Variants in SLC22A3 observed in about 807,000 individuals in gnomAD.
SLC22A3 encodes the protein solute carrier family 22 member 3, also known as EMT organic cation transporter 3.
In SLC22A3, 51 loss-of-function variants were observed where a neutral mutation model predicts 59.1. The ratio of observed to expected loss-of-function variants is 0.86; its 90% CI spans 0.69 to 1.09. The LOEUF is 1.09. SLC22A3 is among the 50% of genes least tolerant of loss of function. SLC22A3 has a pLI of 0.00. For synonymous variants in SLC22A3, 325 were observed against 292.0 expected (o/e 1.11, Z -1.15); for missense variants, 711 against 726.3 (o/e 0.98, Z 0.24).
intron 5 of SLC22A3, among the ~76,000 whole-genome samples, chr6:160,427,424 G>A (rs1202303873): frequency 2.0e-5 from 3 of 152,130 alleles, no homozygotes; most frequent in African/African-American, 7.2e-5. Context: ...CCTGGACAGT[G>A]GGGGAAGGGC....
rs766754055 is a variant in SLC22A3 at position 160,436,861 on chromosome 6, A to G, written c.1057A>G (p.Ile353Val). 3.1e-6 allele frequency: 5 copies of G among 1,613,716 alleles called. No individual in the cohort carries two copies. In the African/African-American group the frequency reaches 4.0e-5, roughly 13 times the overall value. Residue 353 changes from isoleucine (I) to valine (V), a missense_variant, in exon 6 of 11, where the codon ATT (isoleucine) becomes GTT (valine). Ile to Val is a conservative substitution (Grantham distance 29, BLOSUM62 3). Coordinates refer to ENST00000275300, the MANE Select transcript of SLC22A3 (RefSeq NM_021977.4). ...TCCCCAAATGAGGAAATGCACACTTATTCTTATGTTTGCTTGGTAAGTTTG... is the reference window on the plus strand; with the variant it reads ...TCCCCAAATGAGGAAATGCACACTTGTTCTTATGTTTGCTTGGTAAGTTTG... Reference protein sequence around the residue: ...RTPQMRKCTLILMFAWFTSAV... With the variant: ...RTPQMRKCTLVLMFAWFTSAV...
chr6:160,428,856 T>C (rs1192926252), intron 5 of SLC22A3, among the ~76,000 whole-genome samples: 1 of 152,238 alleles, frequency 6.6e-6, no homozygotes, highest in East Asian at 1.9e-4. Context: ...AAGGAGGTTT[T>C]CAAAAATTGC....
intron 2 of SLC22A3, among the ~76,000 whole-genome samples, chr6:160,399,014 A>T (rs1005744520): frequency 6.6e-6 from 1 of 152,258 alleles, no homozygotes; most frequent in Non-Finnish European, 1.5e-5. Flanking sequence ...ATTAGCTAAT[A>T]GAACAACAAA....
intron 1 of SLC22A3, among the ~76,000 whole-genome samples, chr6:160,371,699 G>A (rs1378123713): frequency 6.6e-6 from 1 of 152,218 alleles, no homozygotes; most frequent in African/African-American, 2.4e-5. Context: ...TATGTACCCA[G>A]TAGTGAGATT....
chr6:160,426,461 C>T (rs1448336559), intron 5 of SLC22A3: 5 of 608,288 alleles, frequency 8.2e-6, no homozygotes, highest in African/African-American at 8.0e-5. Context: ...TCCTCTATTC[C>T]CACTCTTCCC....
chr6:160,368,161 C>T (rs1396095172), intron 1 of SLC22A3, among the ~76,000 whole-genome samples: 3 of 152,124 alleles, frequency 2.0e-5, no homozygotes, highest in Non-Finnish European at 2.9e-5. Flanking sequence ...TACCCTCTCC[C>T]CCTACTCTTA....
rs1788988549 is a variant in SLC22A3 at position 160,452,052 on chromosome 6, CA to C, written c.*997del. 6.6e-6 allele frequency: 1 copy of C among 152,152 alleles called. No homozygotes were observed. The highest frequency in any genetic ancestry group is 6.5e-5 in the Admixed American group (1 of 15,268). The allele number at this position is 152,152 out of a possible 1,614,324, so 9.4% of individuals were successfully genotyped here. On this transcript the variant is annotated 3_prime_UTR_variant, in exon 11 of 11. Transcript: ENST00000275300. ...ATTTAAAAGAAAGATCAATTATATC[CA>C]TGCTTAACAGGATCAGCAGGAGCTT...
chr6:160,399,088 T>C (rs1786645439), intron 2 of SLC22A3, among the ~76,000 whole-genome samples: 1 of 152,216 alleles, frequency 6.6e-6, no homozygotes, highest in Non-Finnish European at 1.5e-5. Context: ...TCAAAATGGG[T>C]AGAGCCTTGG....
intron 1 of SLC22A3, among the ~76,000 whole-genome samples, chr6:160,373,122 T>A (rs1785459993): frequency 6.6e-6 from 1 of 152,232 alleles, no homozygotes; most frequent in South Asian, 2.1e-4. Context: ...TGCCCTGGTT[T>A]TTCCTCATCT....
At chr6:160,418,485 G>A (rs534135601) in intron 5 of SLC22A3, among the ~76,000 whole-genome samples, 14 of 152,272 alleles carry the variant, frequency 9.2e-5, no homozygotes, top group African/African-American at 1.7e-4. Flanking sequence ...CCTTGTGGCC[G>A]TGTGAGCCAA....
chr6:160,443,523 A>G, intron 8 of SLC22A3, 107 bp from the exon 9 acceptor site: 1 of 768,272 alleles, frequency 1.3e-6, no homozygotes, highest in East Asian at 2.7e-5. Flanking sequence ...AGAAAATGCA[A>G]AGTATCTTCA....
chr6:160,400,616 A>G (rs1262849317), intron 2 of SLC22A3, among the ~76,000 whole-genome samples: 2 of 151,304 alleles, frequency 1.3e-5, no homozygotes, highest in African/African-American at 4.9e-5. Context: ...CACCATGTCC[A>G]CCTATCAAGA....
chr6:160,428,950 G>A (rs1298176296), intron 5 of SLC22A3, among the ~76,000 whole-genome samples: 2 of 152,188 alleles, frequency 1.3e-5, no homozygotes, highest in Admixed American at 6.5e-5. Context: ...CTACAGCTCT[G>A]TAATGTGACA....
At chr6:160,370,746 T>G (rs1785370365) in intron 1 of SLC22A3, among the ~76,000 whole-genome samples, 1 of 152,222 alleles carries the variant, frequency 6.6e-6, no homozygotes, top group African/African-American at 2.4e-5. Context: ...AGTTCATATT[T>G]TGCATGAATC....
rs1456556834 is a variant in SLC22A3, at chr6:160,451,077, A to G, written c.*21A>G. ...TTTGAGGCCCCCGACAAAGACAGAAAGAAGGAGCTATCCAGGAGCTGATCC... is the reference window on the plus strand; with the variant it reads ...TTTGAGGCCCCCGACAAAGACAGAAGGAAGGAGCTATCCAGGAGCTGATCC... On this transcript the variant is annotated 3_prime_UTR_variant, in exon 11 of 11. Transcript: ENST00000275300. 13 of 1,580,702 alleles carry G rather than the reference A, an allele frequency of 8.2e-6. No individual in the cohort carries two copies. The highest frequency in any genetic ancestry group is 2.3e-5 in the East Asian group (1 of 43,172).
At chr6:160,434,217 T>C (rs1283730653) in intron 5 of SLC22A3, among the ~76,000 whole-genome samples, 1 of 152,264 alleles carries the variant, frequency 6.6e-6, no homozygotes, top group Non-Finnish European at 1.5e-5. Flanking sequence ...CTAAATTATC[T>C]AGTCAAATTT....
chr6:160,437,216 T>C lies in SLC22A3; in HGVS notation c.1288+5T>C. 6.2e-7 allele frequency: 1 copy of C among 1,613,900 alleles called. No homozygotes were observed. The highest frequency in any genetic ancestry group is 8.5e-7 in the Non-Finnish European group (1 of 1,179,842). ...TCACTGCGTTCTTACCAGAAGGTAA[T>C]CTTACCCCACATCTGTTTGGCAGCC... is the stretch of plus-strand genomic sequence containing the variant. On this transcript the variant is annotated splice_donor_5th_base_variant and intron_variant, in intron 7 of 10. Coordinates refer to ENST00000275300, the MANE Select transcript of SLC22A3 (RefSeq NM_021977.4).
intron 4 of SLC22A3, 122 bp from the exon 5 acceptor site, chr6:160,410,607 T>A (rs543057275): frequency 2.7e-6 from 2 of 731,598 alleles, no homozygotes; most frequent in African/African-American, 3.5e-5. Flanking sequence ...TATTATCAAC[T>A]CTTATTGACT....
At chr6:160,363,838 T>G (rs1176430831) in intron 1 of SLC22A3, among the ~76,000 whole-genome samples, 1 of 151,856 alleles carries the variant, frequency 6.6e-6, no homozygotes, top group Admixed American at 6.6e-5. Context: ...CCTTGATGAC[T>G]GTTCAGCATG....
Sources: allele counts gnomAD v4.1 joint callset (sites outside exome capture counted in the v4.1 genomes callset), GRCh38; gene constraint gnomAD v4.1.1; transcripts MANE v1.5; gene names NCBI Gene and HGNC (gene_info 2026-07-23, HGNC 2026-07-21).